Variants in NFATC3 observed in about 807,000 individuals in gnomAD.
The protein encoded by NFATC3 is nuclear factor of activated T-cells, cytoplasmic 3.
In NFATC3, 46 loss-of-function variants were observed where a neutral mutation model predicts 98.6. The observed-to-expected ratio is 0.47, with a 90% CI of 0.37 to 0.60. The LOEUF (loss-of-function observed/expected upper bound fraction) is 0.60. Among genes scored for constraint, NFATC3 ranks in the 20% least tolerant of loss-of-function variants. The pLI is 0.00. For missense variants in NFATC3, 1,256 were observed against 1,295.5 expected (o/e 0.97, Z 0.47); for synonymous variants, 512 against 472.2 (o/e 1.08, Z -1.09).
At chr16:68,098,055 G>A (rs1272228973) in intron 1 of NFATC3, among the ~76,000 whole-genome samples, 1 of 151,964 alleles carries the variant, frequency 6.6e-6, no homozygotes, top group African/African-American at 2.4e-5. Flanking sequence ...TTTTATTGGG[G>A]AGTAGTTGCC....
Position 68,181,514 on chromosome 16 carries a change from G to C in NFATC3, c.1955G>C (p.Arg652Thr). The change falls in exon 7 of 10, where the codon AGG becomes ACG. Residue 652 changes from arginine (R) to threonine (T), a missense_variant. Coordinates refer to ENST00000346183, the MANE Select transcript of NFATC3 (RefSeq NM_173165.3). ...PQWEVEGKII[R>T]EKCQGAHIVL... ...TGGGAGGTAGAAGGGAAGATAATCA[G>C]GGAAAAATGTCAAGGGGTAAGAAAT... 1 of 1,610,382 alleles carries C rather than the reference G, an allele frequency of 6.2e-7. No homozygotes were observed. Among genetic ancestry groups the C allele is most frequent in the Non-Finnish European group, 8.5e-7 (1 of 1,177,066 alleles).
At chr16:68,138,098 A>T (rs2037540868) in intron 3 of NFATC3, among the ~76,000 whole-genome samples, 1 of 151,770 alleles carries the variant, frequency 6.6e-6, no homozygotes, top group East Asian at 1.9e-4. Context: ...GCAGTGGCCC[A>T]CATCTCAGTT....
intron 1 of NFATC3, among the ~76,000 whole-genome samples, chr16:68,096,840 A>G (rs1374696869): frequency 6.6e-6 from 1 of 152,204 alleles, no homozygotes. Flanking sequence ...CTGGAGAGGG[A>G]CAGACTATTA....
At chr16:68,156,930 C>T (rs2038649573) in intron 3 of NFATC3, among the ~76,000 whole-genome samples, 1 of 152,036 alleles carries the variant, frequency 6.6e-6, no homozygotes, top group Non-Finnish European at 1.5e-5. Flanking sequence ...CAGAGCGAGA[C>T]ACTGTCTCAA....
At chr16:68,196,570 G>T (rs1176875227) in intron 9 of NFATC3, among the ~76,000 whole-genome samples, 1 of 152,172 alleles carries the variant, frequency 6.6e-6, no homozygotes, top group Non-Finnish European at 1.5e-5. Context: ...GTGGGAGCTT[G>T]TAATCCCAGC....
At chr16:68,171,330 T>A (rs1392602586) in intron 5 of NFATC3, among the ~76,000 whole-genome samples, 1 of 152,084 alleles carries the variant, frequency 6.6e-6, no homozygotes, top group Non-Finnish European at 1.5e-5. Flanking sequence ...TGCTGTTACT[T>A]AGAATGTACC....
chr16:68,096,798 G>T (rs1315324024), intron 1 of NFATC3, among the ~76,000 whole-genome samples: 1 of 152,202 alleles, frequency 6.6e-6, no homozygotes, highest in South Asian at 2.1e-4. Context: ...TTGGAAAGTG[G>T]AAGATCAGGA....
chr16:68,117,584 A>G (rs1022202261), intron 1 of NFATC3, among the ~76,000 whole-genome samples: 5 of 152,092 alleles, frequency 3.3e-5, no homozygotes, highest in Non-Finnish European at 5.9e-5. Context: ...CTTGGCTTAC[A>G]GCAACCTCCG....
At chr16:68,150,014 C>A (rs1343868551) in intron 3 of NFATC3, among the ~76,000 whole-genome samples, 1 of 152,046 alleles carries the variant, frequency 6.6e-6, no homozygotes, top group Non-Finnish European at 1.5e-5. Flanking sequence ...CTACTTATAT[C>A]CTTTGAGAAG....
At chr16:68,180,140 A>C (rs2039891176) in intron 6 of NFATC3, among the ~76,000 whole-genome samples, 2 of 152,166 alleles carry the variant, frequency 1.3e-5, no homozygotes, top group African/African-American at 4.8e-5. Flanking sequence ...GAGCACGTTT[A>C]AGCAGAGACC....
At chr16:68,212,514 T>A (rs1281967917) in intron 9 of NFATC3, 2 of 152,104 alleles carry the variant, frequency 1.3e-5, no homozygotes, top group Admixed American at 1.3e-4. Flanking sequence ...TGAGTCGGAG[T>A]CTCACTATTT....
At chr16:68,125,737 A>T (rs931286656) in intron 2 of NFATC3, among the ~76,000 whole-genome samples, 2 of 152,222 alleles carry the variant, frequency 1.3e-5, no homozygotes, top group African/African-American at 2.4e-5. Context: ...TGTTTTAAAA[A>T]AATCAAATTA....
intron 1 of NFATC3, among the ~76,000 whole-genome samples, chr16:68,094,956 C>T (rs937709329): frequency 6.6e-6 from 1 of 152,094 alleles, no homozygotes; most frequent in Non-Finnish European, 1.5e-5. Context: ...GGTTACATTC[C>T]CTTTCCTAAA....
chr16:68,165,849 A>G (rs1313154154), intron 4 of NFATC3, among the ~76,000 whole-genome samples: 1 of 152,234 alleles, frequency 6.6e-6, no homozygotes, highest in Admixed American at 6.5e-5. Flanking sequence ...TAACTAGTAT[A>G]TTTGATCATA....
chr16:68,202,604 G>T lies in NFATC3; in HGVS notation c.3106+10829G>T, dbSNP rs1225180763. Reference sequence around the variant, plus strand: ...AGGCAGGTAGATCGCCTGAGGTCAAGAGTTTGAGACCAGCCTGGCCAATAT... The same window carrying T: ...AGGCAGGTAGATCGCCTGAGGTCAATAGTTTGAGACCAGCCTGGCCAATAT... On this transcript the variant is annotated intron_variant, in intron 9 of 9. Transcript: ENST00000346183. Among the ~76,000 whole-genome samples the T allele has an allele frequency of 5.9e-5, 9 of 152,284 alleles. No individual in the cohort carries two copies. In the East Asian group the frequency reaches 1.7e-3, roughly 29 times the overall value.
intron 3 of NFATC3, among the ~76,000 whole-genome samples, chr16:68,144,922 T>G (rs1292897551): frequency 6.6e-6 from 1 of 152,016 alleles, no homozygotes; most frequent in Non-Finnish European, 1.5e-5. Flanking sequence ...CCTCCCAAAG[T>G]GCTGGGATTA....
Position 68,166,839 on chromosome 16 carries a change from T to G in NFATC3, c.1602-4T>G, listed in dbSNP as rs961890198. 3 of 1,606,944 alleles carry G rather than the reference T, an allele frequency of 1.9e-6. No homozygotes were observed. On this transcript the variant is annotated splice_region_variant and splice_polypyrimidine_tract_variant and intron_variant, in intron 4 of 9. Transcript: ENST00000346183. ...AAATTAAATTTTTGTATTTTTCTCT[T>G]TAGTATTGATTGTGCAGGTATTTTG...
intron 1 of NFATC3, among the ~76,000 whole-genome samples, chr16:68,115,671 C>T (rs2036237169): frequency 6.6e-6 from 1 of 152,020 alleles, no homozygotes; most frequent in Non-Finnish European, 1.5e-5. Flanking sequence ...GTGATCTGCC[C>T]CCTTTGGCCT....
At chr16:68,144,947 C>G (rs146730908) in intron 3 of NFATC3, among the ~76,000 whole-genome samples, 1 of 152,100 alleles carries the variant, frequency 6.6e-6, no homozygotes, top group African/African-American at 2.4e-5. Context: ...TATGAGCCAC[C>G]GCACATGGCT....
Sources: allele counts gnomAD v4.1 joint callset (sites outside exome capture counted in the v4.1 genomes callset), GRCh38; gene constraint gnomAD v4.1.1; transcripts MANE v1.5; gene names NCBI Gene and HGNC (gene_info 2026-07-23, HGNC 2026-07-21).